Variants in MAGI1 observed in about 807,000 individuals in gnomAD.
MAGI1 encodes membrane associated guanylate kinase, WW and PDZ domain containing 1.
Under a neutral mutation model 139.9 loss-of-function variants are expected in MAGI1, and 58 were observed. The ratio of observed to expected loss-of-function variants is 0.41; its 90% CI spans 0.34 to 0.52. The LOEUF (loss-of-function observed/expected upper bound fraction) is 0.52. MAGI1 is among the 20% of genes least tolerant of loss of function. The pLI, the probability that MAGI1 is intolerant of heterozygous loss-of-function variation, is 0.12. For missense variants in MAGI1, 1,874 were observed against 1,901.6 expected, an observed-to-expected ratio of 0.99 and a Z score of 0.27; for synonymous variants, 812 against 737.9, an observed-to-expected ratio of 1.10 and a Z score of -1.63.
At chr3:65,828,428 G>A (rs2042347922) in intron 1 of MAGI1, among the ~76,000 whole-genome samples, 1 of 152,086 alleles carries the variant, frequency 6.6e-6, no homozygotes, top group Non-Finnish European at 1.5e-5. Flanking sequence ...AGTTCTCCAG[G>A]GTAGTATATC....
At chr3:65,999,409 T>C (rs2066623034) in intron 1 of MAGI1, among the ~76,000 whole-genome samples, 1 of 152,162 alleles carries the variant, frequency 6.6e-6, no homozygotes, top group Non-Finnish European at 1.5e-5. Flanking sequence ...GTGCCAAGCA[T>C]ATGCAATATC....
At chr3:65,739,435 C>T (rs983246587) in intron 1 of MAGI1, among the ~76,000 whole-genome samples, 2 of 152,168 alleles carry the variant, frequency 1.3e-5, no homozygotes, top group Non-Finnish European at 2.9e-5. Flanking sequence ...TCTTGCCATT[C>T]GTGTGCTTAC....
Position 65,354,385 on chromosome 3 carries a change from AATGTT to A in MAGI1, c.*1988_*1992del, listed in dbSNP as rs1186965074. ...CCACACAACTACAGCTACTCATTCT[AATGTT>A]ATGTATAAACCCATAAGTCAAATAA... On this transcript the variant is annotated 3_prime_UTR_variant, in exon 23 of 23. Coordinates refer to ENST00000402939, the MANE Select transcript of MAGI1 (RefSeq NM_001033057.2). The A allele has an allele frequency of 2.0e-5, 3 of 152,654 alleles. No individual in the cohort carries two copies. Among genetic ancestry groups the A allele is most frequent in the East Asian group, 1.9e-4 (1 of 5,194 alleles). 9.5% of individuals were successfully genotyped at this position (152,654 alleles called of 1,614,324 possible).
At chr3:65,456,999 C>A (rs1240362842) in intron 5 of MAGI1, among the ~76,000 whole-genome samples, 8 of 152,018 alleles carry the variant, frequency 5.3e-5, no homozygotes, top group Admixed American at 2.6e-4. Context: ...TGACTTCATT[C>A]TTCCTTTTTG....
intron 1 of MAGI1, among the ~76,000 whole-genome samples, chr3:65,767,742 A>T (rs2037607807): frequency 1.3e-5 from 2 of 152,172 alleles, no homozygotes; most frequent in South Asian, 2.1e-4. Context: ...AACAAAATGA[A>T]AGTGTCTAAG....
chr3:65,387,174 T>C (rs1943517686), intron 14 of MAGI1: 5 of 1,607,060 alleles, frequency 3.1e-6, no homozygotes, highest in Non-Finnish European at 4.3e-6. Flanking sequence ...TGGAATTGAT[T>C]TCTCTCTCTC....
intron 1 of MAGI1, among the ~76,000 whole-genome samples, chr3:65,885,987 T>C (rs13065502): frequency 3.3e-5 from 5 of 152,230 alleles, no homozygotes; most frequent in African/African-American, 1.2e-4. Flanking sequence ...ATGGTGGTTA[T>C]CTCTGAGCGG....
chr3:65,693,478 A>G (rs76084365), intron 1 of MAGI1, among the ~76,000 whole-genome samples: 8,690 of 152,272 alleles, frequency 0.057, 824 homozygotes, highest in African/African-American at 0.2. Flanking sequence ...CACGTTTCTA[A>G]GAAGGCCAAG....
chr3:65,652,504 G>T (rs1162718732), intron 1 of MAGI1, among the ~76,000 whole-genome samples: 2 of 152,098 alleles, frequency 1.3e-5, no homozygotes, highest in Non-Finnish European at 2.9e-5. Context: ...CTACCAGCTG[G>T]TGACAACCAA....
chr3:65,682,668 T>C (rs28607377), intron 1 of MAGI1, among the ~76,000 whole-genome samples: 25 of 152,160 alleles, frequency 1.6e-4, no homozygotes. Context: ...AAAAAATCTT[T>C]AGGATATAGG....
At chr3:65,582,584 T>C (rs530437829) in intron 2 of MAGI1, among the ~76,000 whole-genome samples, 110 of 140,370 alleles carry the variant, frequency 7.8e-4, no homozygotes, top group African/African-American at 2.2e-3. Flanking sequence ...CGATTCTGAG[T>C]ACAAAATCCA....
In MAGI1 at chr3:65,901,863, T is replaced by C. The variant is rs766347079; in HGVS notation, c.313+136133A>G. 4.5e-4 allele frequency among the ~76,000 whole-genome samples: 69 copies of C among 152,222 alleles called. 1 individual carries two copies. The highest frequency in any genetic ancestry group is 8.2e-4 in the Non-Finnish European group (56 of 68,042). The stretch of plus-strand genomic sequence containing the variant: ...CCCACAGGGTTCCAATAATTAGCAC[T>C]TTTACAAGTACATCCTTATTTTGCT... On this transcript the variant is annotated intron_variant, in intron 1 of 22. Coordinates refer to ENST00000402939, the MANE Select transcript of MAGI1 (RefSeq NM_001033057.2).
chr3:65,753,919 A>T (rs1470449838), intron 1 of MAGI1, among the ~76,000 whole-genome samples: 1 of 152,182 alleles, frequency 6.6e-6, no homozygotes, highest in Non-Finnish European at 1.5e-5. Context: ...TTCGGATCAT[A>T]GGCATGGGAA....
chr3:65,789,032 T>G (rs2108056233), intron 1 of MAGI1, among the ~76,000 whole-genome samples: 1 of 151,920 alleles, frequency 6.6e-6, no homozygotes, highest in African/African-American at 2.4e-5. Context: ...ATGTAAAACA[T>G]TAGCCAGGCT....
chr3:65,781,026 T>C (rs973217382), intron 1 of MAGI1, among the ~76,000 whole-genome samples: 1 of 152,084 alleles, frequency 6.6e-6, no homozygotes. Context: ...TGAAACCCCA[T>C]CTCTACTAAA....
chr3:65,912,118 T>A (rs772445912), intron 1 of MAGI1, among the ~76,000 whole-genome samples: 5 of 151,876 alleles, frequency 3.3e-5, no homozygotes, highest in Non-Finnish European at 7.4e-5. Context: ...ATCTCTCGAG[T>A]CTAGATATGA....
At chr3:65,686,115 C>A (rs1198132509) in intron 1 of MAGI1, among the ~76,000 whole-genome samples, 1 of 152,158 alleles carries the variant, frequency 6.6e-6, no homozygotes, top group East Asian at 1.9e-4. Flanking sequence ...TGACTCTCTA[C>A]TTGATTTTCT....
chr3:65,603,757 G>A (rs2082597201), intron 2 of MAGI1, among the ~76,000 whole-genome samples: 1 of 152,194 alleles, frequency 6.6e-6, no homozygotes, highest in South Asian at 2.1e-4. Context: ...CTGGAGGCAG[G>A]GAATTCCAAG....
chr3:65,553,146 G>GTT (rs548937994), intron 2 of MAGI1, among the ~76,000 whole-genome samples: 4 of 145,402 alleles, frequency 2.8e-5, no homozygotes, highest in East Asian at 2.0e-4. Context: ...TGAGTTGTTG[G>GTT]TTTTTTTTTT....
Sources: allele counts gnomAD v4.1 joint callset (sites outside exome capture counted in the v4.1 genomes callset), GRCh38; gene constraint gnomAD v4.1.1; transcripts MANE v1.5; gene names NCBI Gene and HGNC (gene_info 2026-07-23, HGNC 2026-07-21).